Variants in ADAMTSL1 observed in about 807,000 individuals in gnomAD.
ADAMTSL1 encodes the protein ADAMTS like 1.
ADAMTSL1 carries 126 observed loss-of-function variants against 201.8 expected under a neutral mutation model. The observed-to-expected ratio is 0.62, with a 90% CI of 0.54 to 0.72. ADAMTSL1 has a LOEUF of 0.72. Among genes scored for constraint, ADAMTSL1 ranks in the 30% least tolerant of loss-of-function variants. The probability of loss-of-function intolerance (pLI) is 0.00; values close to 1 mark genes in which losing one functional copy is unlikely to be tolerated. For synonymous variants in ADAMTSL1, 1,121 were observed against 903.4 expected, an observed-to-expected ratio of 1.24 and a Z score of -4.32; for missense variants, 2,679 against 2,277.8, an observed-to-expected ratio of 1.18 and a Z score of -3.59.
chr9:18,216,544 C>T (rs977102944), intron 2 of ADAMTSL1, among the ~76,000 whole-genome samples: 7 of 152,068 alleles, frequency 4.6e-5, no homozygotes, highest in Non-Finnish European at 8.8e-5. Context: ...CATCAAGCTC[C>T]CTCTGACAGG....
At chr9:18,587,133 A>C (rs1038541971) in intron 4 of ADAMTSL1, among the ~76,000 whole-genome samples, 5 of 152,212 alleles carry the variant, frequency 3.3e-5, no homozygotes, top group Non-Finnish European at 4.4e-5. Flanking sequence ...TCTGCACAGC[A>C]AAAGAAACTA....
chr9:18,409,455 C>T (rs963190435), intron 2 of ADAMTSL1, among the ~76,000 whole-genome samples: 2 of 150,156 alleles, frequency 1.3e-5, no homozygotes, highest in African/African-American at 4.9e-5. Flanking sequence ...AGGGATTTAC[C>T]TAAGATCCCA....
At chr9:18,416,445 A>T (rs1818679893) in intron 2 of ADAMTSL1, among the ~76,000 whole-genome samples, 1 of 152,034 alleles carries the variant, frequency 6.6e-6, no homozygotes, top group East Asian at 1.9e-4. Context: ...AGAACAGATA[A>T]AGTCTAAACA....
intron 2 of ADAMTSL1, among the ~76,000 whole-genome samples, chr9:18,334,687 C>T (rs1403156598): frequency 1.3e-5 from 2 of 152,090 alleles, no homozygotes; most frequent in African/African-American, 2.4e-5. Context: ...GAATAATCTT[C>T]CAACAAATAG....
Position 18,731,106 on chromosome 9 carries a change from C to G in ADAMTSL1, c.2006+9441C>G, listed in dbSNP as rs1818192958. Among the ~76,000 whole-genome samples, 3 of 152,122 alleles carry G rather than the reference C, an allele frequency of 2.0e-5. No individual in the cohort carries two copies. The South Asian group carries it at 6.2e-4, about 32-fold the overall frequency. On this transcript the variant is annotated intron_variant, in intron 15 of 28. Coordinates refer to ENST00000380548, the MANE Select transcript of ADAMTSL1 (RefSeq NM_001040272.6). ...ATTTTTCCCAATGGGGGAATCTTGG[C>G]AATTTTTAAGAATTGGGGAATTTCA... is the stretch of plus-strand genomic sequence containing the variant.
chr9:18,303,704 C>T (rs1003562049), intron 2 of ADAMTSL1, among the ~76,000 whole-genome samples: 7 of 152,152 alleles, frequency 4.6e-5, no homozygotes, highest in African/African-American at 1.7e-4. Flanking sequence ...AATAGTGGAC[C>T]TTGCTGAACC....
At chr9:18,323,535 GA>G (rs928784396) in intron 2 of ADAMTSL1, among the ~76,000 whole-genome samples, 1 of 151,680 alleles carries the variant, frequency 6.6e-6, no homozygotes. Flanking sequence ...AGCACAAAAA[GA>G]AAAAAACCCA....
chr9:18,468,312 CTGTTTTGTTTTG>C (rs1239519044), intron 2 of ADAMTSL1, among the ~76,000 whole-genome samples: 5 of 152,124 alleles, frequency 3.3e-5, no homozygotes, highest in Admixed American at 1.3e-4. Context: ...GCAATGAGTT[CTGTTTTGTTTTG>C]TGTTTTGTTT....
intron 1 of ADAMTSL1, among the ~76,000 whole-genome samples, chr9:18,160,908 G>A (rs77338649): frequency 0.066 from 9,764 of 148,318 alleles, 432 homozygotes; most frequent in Non-Finnish European, 0.099. Flanking sequence ...GGCTGGTCTG[G>A]AATTCCTAAG....
rs373266961 is a variant in ADAMTSL1, at chr9:18,826,375, C to A, written c.4026C>A (p.Asn1342Lys). 1 of 1,613,666 alleles carries A rather than the reference C, an allele frequency of 6.2e-7. No homozygotes were observed. The highest frequency in any genetic ancestry group is 1.3e-5 in the African/African-American group (1 of 75,004). Residue 1342 changes from asparagine (N) to lysine (K), a missense_variant, in exon 22 of 29, where the codon AAC (asparagine) becomes AAA (lysine). Coordinates refer to ENST00000380548, the MANE Select transcript of ADAMTSL1 (RefSeq NM_001040272.6). Reference sequence around the variant, plus strand: ...ACGAAGGCTCCTTGCTGCTCACAAACGTGTCCTCCTCGGATCAGGGCCTGT... The same window carrying A: ...ACGAAGGCTCCTTGCTGCTCACAAAAGTGTCCTCCTCGGATCAGGGCCTGT... ...HLHEGSLLLTNVSSSDQGLYS... is the reference protein window; with the variant it reads ...HLHEGSLLLTKVSSSDQGLYS...
At chr9:18,548,175 C>G (rs1293865417) in intron 3 of ADAMTSL1, among the ~76,000 whole-genome samples, 1 of 151,956 alleles carries the variant, frequency 6.6e-6, no homozygotes, top group East Asian at 1.9e-4. Context: ...CATTTGTGGT[C>G]ATTCATGGGC....
At chr9:17,973,243 C>A (rs1340798929) in intron 1 of ADAMTSL1, among the ~76,000 whole-genome samples, 2 of 149,966 alleles carry the variant, frequency 1.3e-5, no homozygotes, top group East Asian at 4.0e-4. Context: ...CTTGCCCAGG[C>A]CTATGTCCTG....
At chr9:18,527,522 C>A (rs550517023) in intron 2 of ADAMTSL1, among the ~76,000 whole-genome samples, 22 of 152,240 alleles carry the variant, frequency 1.4e-4, no homozygotes, top group Non-Finnish European at 2.5e-4. Flanking sequence ...GATGGGGGAA[C>A]AAGAAGCTAA....
chr9:18,075,987 C>G lies in ADAMTSL1; in HGVS notation c.88-87875C>G, dbSNP rs1774599090. ...TAAACACTCACCTAAGTAATAGCATCTAAAACTGTTACACAATTTAAACAT... is the reference window on the plus strand; with the variant it reads ...TAAACACTCACCTAAGTAATAGCATGTAAAACTGTTACACAATTTAAACAT... On this transcript the variant is annotated intron_variant, in intron 1 of 29. Coordinates refer to the ADAMTSL1 transcript ENST00000680146. Among the ~76,000 whole-genome samples the G allele has an allele frequency of 2.0e-5, 3 of 152,238 alleles. No homozygotes were observed. In the South Asian group the frequency reaches 6.2e-4, roughly 32 times the overall value.
At chr9:18,006,261 T>C (rs1411698298) in intron 1 of ADAMTSL1, among the ~76,000 whole-genome samples, 1 of 152,016 alleles carries the variant, frequency 6.6e-6, no homozygotes, top group East Asian at 1.9e-4. Flanking sequence ...CATAGAAACA[T>C]AGTAAAATAA....
chr9:18,452,440 A>G (rs1455542635), intron 2 of ADAMTSL1, among the ~76,000 whole-genome samples: 2 of 152,214 alleles, frequency 1.3e-5, no homozygotes, highest in Non-Finnish European at 2.9e-5. Context: ...TCTCACATGC[A>G]ATGTGCATTC....
chr9:18,306,199 C>G (rs1005469299), intron 2 of ADAMTSL1, among the ~76,000 whole-genome samples: 3 of 152,140 alleles, frequency 2.0e-5, no homozygotes, highest in Non-Finnish European at 4.4e-5. Flanking sequence ...TCACCAACAT[C>G]AAAGACCAAA....
At chr9:18,213,192 T>C (rs1171318126) in intron 2 of ADAMTSL1, among the ~76,000 whole-genome samples, 1 of 152,204 alleles carries the variant, frequency 6.6e-6, no homozygotes, top group South Asian at 2.1e-4. Context: ...GGAATTTATT[T>C]AATATCTTTT....
chr9:18,500,317 A>G lies in ADAMTSL1; in HGVS notation c.64-4512A>G, dbSNP rs557112743. 2.7e-3 allele frequency among the ~76,000 whole-genome samples: 416 copies of G among 152,348 alleles called. 3 individuals are homozygous for G. Among genetic ancestry groups the G allele is most frequent in the Admixed American group, 3.9e-3 (59 of 15,306 alleles). On this transcript the variant is annotated intron_variant, in intron 1 of 28. Transcript: ENST00000380548. ...AATGACACCATTCTGAGGTTGATGGATGTAGGAGAGCTCTTCTAGTATTTG... is the reference window on the plus strand; with the variant it reads ...AATGACACCATTCTGAGGTTGATGGGTGTAGGAGAGCTCTTCTAGTATTTG...
Sources: allele counts gnomAD v4.1 joint callset (sites outside exome capture counted in the v4.1 genomes callset), GRCh38; gene constraint gnomAD v4.1.1; transcripts MANE v1.5; gene names NCBI Gene and HGNC (gene_info 2026-07-23, HGNC 2026-07-21).